The following PAQR5 variants were observed in gnomAD, a reference collection of about 807,000 sequenced individuals.
PAQR5 encodes membrane progestin receptor gamma.
In PAQR5, 20 loss-of-function variants were observed where a neutral mutation model predicts 34.5. The ratio of observed to expected loss-of-function variants is 0.58; its 90% CI spans 0.41 to 0.84. The LOEUF is 0.84. PAQR5 is among the 40% of genes least tolerant of loss of function. The pLI, the probability that PAQR5 is intolerant of heterozygous loss-of-function variation, is 0.00. For synonymous variants in PAQR5, 131 were observed against 155.6 expected (o/e 0.84, Z 1.18); for missense variants, 378 against 412.7 (o/e 0.92, Z 0.73).
intron 1 of PAQR5, among the ~76,000 whole-genome samples, chr15:69,309,532 G>A (rs1382497019): frequency 1.3e-5 from 2 of 152,164 alleles, no homozygotes; most frequent in African/African-American, 4.8e-5. Context: ...AGAAAGGGAA[G>A]TGGGTTTAGG....
intron 1 of PAQR5, among the ~76,000 whole-genome samples, chr15:69,300,618 T>TC (rs1566985227): frequency 1.9e-5 from 1 of 53,474 alleles, no homozygotes; most frequent in East Asian, 5.0e-4. Context: ...TCTTTCTTTC[T>TC]TTCTTTCTTT....
chr15:69,326,880 A>G (rs1486719372), intron 1 of PAQR5, among the ~76,000 whole-genome samples: 7 of 139,634 alleles, frequency 5.0e-5, no homozygotes, highest in East Asian at 2.5e-4. Context: ...ACATGGATGC[A>G]TTGTTATTAA....
intron 8 of PAQR5, among the ~76,000 whole-genome samples, chr15:69,401,503 C>T (rs2056625719): frequency 6.6e-6 from 1 of 152,200 alleles, no homozygotes; most frequent in South Asian, 2.1e-4. Flanking sequence ...GCCATGTCCA[C>T]CTCCCCAGCC....
intron 1 of PAQR5, among the ~76,000 whole-genome samples, chr15:69,332,686 C>G (rs2054409678): frequency 7.1e-6 from 1 of 140,486 alleles, no homozygotes; most frequent in Non-Finnish European, 1.5e-5. Context: ...TTCCCCACCC[C>G]ACCCCCACCC....
chr15:69,368,331 G>A (rs1317370358), intron 3 of PAQR5, among the ~76,000 whole-genome samples: 7 of 152,240 alleles, frequency 4.6e-5, no homozygotes, highest in Non-Finnish European at 1.0e-4. Context: ...GGGATTACAG[G>A]CATGAGCCAC....
rs191039955 is a variant in PAQR5, at chr15:69,341,135, A to G, written c.-116+3634A>G. On this transcript the variant is annotated intron_variant, in intron 2 of 8. Transcript: ENST00000395407. ...CTCCACGACTTCTTCATCTTCCCAA[A>G]TAGAAACTACGTATCCCTTAAACAC... Among the ~76,000 whole-genome samples the G allele has an allele frequency of 2.6e-3, 392 of 152,154 alleles. 1 individual carries two copies. Among genetic ancestry groups the G allele is most frequent in the African/African-American group, 8.8e-3 (367 of 41,508 alleles).
At chr15:69,313,207 G>A (rs946725894) in intron 1 of PAQR5, among the ~76,000 whole-genome samples, 22 of 152,148 alleles carry the variant, frequency 1.4e-4, no homozygotes, top group Non-Finnish European at 2.8e-4. Context: ...CAGAGAATAA[G>A]GGAACCCAGC....
At position 69,353,884 on chromosome 15, in the gene PAQR5, C is replaced by T. The variant is rs142104752; in HGVS notation, c.-115-6082C>T. Among the ~76,000 whole-genome samples, 113 of 152,286 alleles carry T rather than the reference C, an allele frequency of 7.4e-4. 1 individual carries two copies. In the East Asian group the frequency reaches 0.019, roughly 26 times the overall value. On this transcript the variant is annotated intron_variant, in intron 2 of 8. Coordinates refer to ENST00000395407, the MANE Select transcript of PAQR5 (RefSeq NM_017705.4). ...TGAGCTGGAAGTTAAGACTGCCACC[C>T]AGCCACTTTGGGCTTCTTGTGCCTC...
At chr15:69,391,818 A>C (rs1160860788) in intron 6 of PAQR5, 1 of 397,186 alleles carries the variant, frequency 2.5e-6, no homozygotes, top group African/African-American at 2.1e-5. Flanking sequence ...GCATTTTGGG[A>C]GCGCCAGGTG....
chr15:69,322,747 A>AGGG (rs1566997742), intron 1 of PAQR5, among the ~76,000 whole-genome samples: 714 of 40,746 alleles, frequency 0.018, 171 homozygotes, highest in East Asian at 0.091. Context: ...GAAGAAGAAG[A>AGGG]AGAAGAAGAA....
chr15:69,312,235 G>C (rs1484022606), intron 1 of PAQR5, among the ~76,000 whole-genome samples: 1 of 152,172 alleles, frequency 6.6e-6, no homozygotes, highest in East Asian at 1.9e-4. Context: ...GAGGGTCCAA[G>C]AGGTAGGGTG....
At chr15:69,310,174 G>A (rs527857699) in intron 1 of PAQR5, among the ~76,000 whole-genome samples, 1 of 152,312 alleles carries the variant, frequency 6.6e-6, no homozygotes, top group East Asian at 1.9e-4. Flanking sequence ...GCAGTTTTGA[G>A]CCTTTTGCCA....
intron 1 of PAQR5, among the ~76,000 whole-genome samples, chr15:69,316,382 TAAGG>T (rs2053950726): frequency 6.6e-6 from 1 of 151,994 alleles, no homozygotes; most frequent in African/African-American, 2.4e-5. Flanking sequence ...TGCCCGGCCA[TAAGG>T]TTTTAAATAA....
chr15:69,301,163 A>G (rs530504591), intron 1 of PAQR5, among the ~76,000 whole-genome samples: 1 of 151,176 alleles, frequency 6.6e-6, no homozygotes, highest in East Asian at 2.0e-4. Context: ...GCCACCAAAC[A>G]CAGCTAATTT....
Position 69,405,067 on chromosome 15 carries a change from C to G in PAQR5, c.*1245C>G. 1 of 398,530 alleles carries G rather than the reference C, an allele frequency of 2.5e-6. No individual in the cohort carries two copies. The highest frequency in any genetic ancestry group is 4.4e-6 in the Non-Finnish European group (1 of 225,988). The allele number at this position is 398,530 out of a possible 1,614,324, so 24.7% of individuals were successfully genotyped here. Reference sequence around the variant, plus strand: ...GGCGTAACCTCATTTTATGTTCCAGCGTTTTCTACTCTGAATAGTTCTAAA... The same window carrying G: ...GGCGTAACCTCATTTTATGTTCCAGGGTTTTCTACTCTGAATAGTTCTAAA... On this transcript the variant is annotated 3_prime_UTR_variant, in exon 9 of 9. Coordinates refer to ENST00000395407, the MANE Select transcript of PAQR5 (RefSeq NM_017705.4).
chr15:69,391,629 A>G, intron 6 of PAQR5: 2 of 455,982 alleles, frequency 4.4e-6, no homozygotes, highest in Non-Finnish European at 8.8e-6. Flanking sequence ...TCCTTGGACC[A>G]GTCACTGCCC....
chr15:69,387,595 T>C (rs1168850484), intron 5 of PAQR5, among the ~76,000 whole-genome samples: 1 of 152,204 alleles, frequency 6.6e-6, no homozygotes, highest in East Asian at 1.9e-4. Context: ...TAGGTCCTAG[T>C]GTCATATCCA....
chr15:69,339,210 T>C (rs1410706145), intron 2 of PAQR5, among the ~76,000 whole-genome samples: 1 of 140,336 alleles, frequency 7.1e-6, no homozygotes, highest in Non-Finnish European at 1.6e-5. Context: ...AAAACTCTGC[T>C]CCTCAAATGC....
intron 7 of PAQR5, among the ~76,000 whole-genome samples, chr15:69,399,672 C>A (rs938140224): frequency 6.6e-6 from 1 of 152,148 alleles, no homozygotes; most frequent in Admixed American, 6.5e-5. Context: ...CTTTTTCTCT[C>A]CGATTCAGTT....
Sources: allele counts gnomAD v4.1 joint callset (sites outside exome capture counted in the v4.1 genomes callset), GRCh38; gene constraint gnomAD v4.1.1; transcripts MANE v1.5; gene names NCBI Gene and HGNC (gene_info 2026-07-23, HGNC 2026-07-21).